EMCN: variants seen among roughly 807,000 people sequenced by gnomAD.
EMCN encodes endomucin, also known as MUC-14.
EMCN carries 37 observed loss-of-function variants against 38.4 expected under a neutral mutation model. That is an observed-to-expected ratio of 0.96 (90% CI 0.74 to 1.27). The LOEUF is 1.27. EMCN is among the 50% of genes most tolerant of loss of function. The pLI is 0.00. For missense variants in EMCN, 318 were observed against 302.8 expected (o/e 1.05, Z -0.37); for synonymous variants, 95 against 100.8 (o/e 0.94, Z 0.35).
intron 11 of EMCN, among the ~76,000 whole-genome samples, chr4:100,398,715 T>C (rs1036458760): frequency 1.3e-5 from 2 of 152,086 alleles, no homozygotes; most frequent in Non-Finnish European, 2.9e-5. Context: ...ATCCAATCAA[T>C]CACCACATCA....
chr4:100,491,138 G>A (rs1436987739), intron 1 of EMCN, among the ~76,000 whole-genome samples: 3 of 151,940 alleles, frequency 2.0e-5, no homozygotes, highest in African/African-American at 4.8e-5. Context: ...TTCCTTTGAT[G>A]TATAGGGCTT....
intron 1 of EMCN, among the ~76,000 whole-genome samples, chr4:100,491,315 C>T (rs1348379956): frequency 6.6e-6 from 1 of 152,060 alleles, no homozygotes; most frequent in East Asian, 1.9e-4. Context: ...ATTGCTTTGC[C>T]GAGGAACTAG....
chr4:100,482,956 G>A (rs543152770), intron 1 of EMCN, among the ~76,000 whole-genome samples: 1 of 152,266 alleles, frequency 6.6e-6, no homozygotes, highest in East Asian at 1.9e-4. Flanking sequence ...GAGATGTACT[G>A]TAAGGCTTTT....
intron 3 of EMCN, among the ~76,000 whole-genome samples, chr4:100,473,084 G>A (rs1022184211): frequency 2.7e-5 from 4 of 146,056 alleles, no homozygotes; most frequent in East Asian, 4.0e-4. Flanking sequence ...GCCCAATCTC[G>A]GCTCACTGCA....
intron 4 of EMCN, among the ~76,000 whole-genome samples, chr4:100,459,134 C>T (rs1445364325): frequency 6.8e-6 from 1 of 146,896 alleles, no homozygotes; most frequent in East Asian, 2.0e-4. Context: ...TTAAGTTGGA[C>T]AACTCCTCCT....
At chr4:100,494,342 C>T (rs962866510) in intron 1 of EMCN, among the ~76,000 whole-genome samples, 1 of 152,124 alleles carries the variant, frequency 6.6e-6, no homozygotes, top group African/African-American at 2.4e-5. Context: ...TGAGCCTACA[C>T]TGAACATTAC....
chr4:100,405,378 A>G (rs1296871607), intron 11 of EMCN, among the ~76,000 whole-genome samples: 2 of 151,966 alleles, frequency 1.3e-5, no homozygotes, highest in South Asian at 2.1e-4. Context: ...TATTATTTTG[A>G]GGTATATTTC....
chr4:100,418,104 G>T (rs1016076333), intron 8 of EMCN, among the ~76,000 whole-genome samples: 14 of 152,056 alleles, frequency 9.2e-5, no homozygotes, highest in African/African-American at 3.4e-4. Flanking sequence ...TTAATACGTA[G>T]GATTTAACCC....
chr4:100,481,743 G>T (rs1213454627), intron 1 of EMCN, among the ~76,000 whole-genome samples: 1 of 152,026 alleles, frequency 6.6e-6, no homozygotes, highest in Admixed American at 6.6e-5. Flanking sequence ...ACTTAGACAG[G>T]AAAATTCACC....
At position 100,405,436 on chromosome 4, in the gene EMCN, T is replaced by A. The variant is rs545585496; in HGVS notation, c.*39+4846A>T. ...GATTTTAACATGAAAAGATGTTAAA[T>A]TCTTTCACAAGCCTTTTCTGACTGC... On this transcript the variant is annotated intron_variant, in intron 11 of 11. Coordinates refer to ENST00000296420, the MANE Select transcript of EMCN (RefSeq NM_016242.4). Among the ~76,000 whole-genome samples the A allele has an allele frequency of 4.9e-4, 74 of 152,270 alleles. 1 individual carries two copies. Among genetic ancestry groups the A allele is most frequent in the Non-Finnish European group, 7.9e-4 (54 of 67,998 alleles).
intron 10 of EMCN, among the ~76,000 whole-genome samples, chr4:100,411,918 T>G (rs567628134): frequency 6.6e-6 from 1 of 152,240 alleles, no homozygotes; most frequent in South Asian, 2.1e-4. Context: ...GCTTTATAAA[T>G]TTGTGAATGT....
chr4:100,455,169 T>C (rs1367166961), intron 4 of EMCN, among the ~76,000 whole-genome samples: 1 of 152,126 alleles, frequency 6.6e-6, no homozygotes, highest in Admixed American at 6.6e-5. Context: ...ATTTTATTTA[T>C]CTCCAGTATT....
intron 4 of EMCN, among the ~76,000 whole-genome samples, chr4:100,452,891 G>C (rs1727887451): frequency 1.3e-5 from 2 of 151,946 alleles, no homozygotes; most frequent in Admixed American, 1.3e-4. Context: ...ACAACTATCT[G>C]ATCTTTGACA....
intron 1 of EMCN, among the ~76,000 whole-genome samples, chr4:100,493,099 G>T (rs1400681854): frequency 6.6e-6 from 1 of 152,074 alleles, no homozygotes; most frequent in East Asian, 1.9e-4. Flanking sequence ...CTACCATTAG[G>T]TTATGTTCCT....
chr4:100,426,999 T>A (rs1727063554), intron 5 of EMCN, among the ~76,000 whole-genome samples: 1 of 149,430 alleles, frequency 6.7e-6, no homozygotes, highest in Non-Finnish European at 1.5e-5. Context: ...CCCTCCCCAA[T>A]TTTTTTTTTA....
rs1726139743 is a variant in EMCN, at chr4:100,397,075, A to G, written c.*1338T>C. 6.6e-6 allele frequency: 1 copy of G among 151,984 alleles called. No homozygotes were observed. The highest frequency in any genetic ancestry group is 6.6e-5 in the Admixed American group (1 of 15,246). 9.4% of individuals were successfully genotyped at this position (151,984 alleles called of 1,614,324 possible). ...AAACTAAAATCAAGGTGATTATATA[A>G]CTCCTAAAGATGGAAGTTGTCAAAA... On this transcript the variant is annotated 3_prime_UTR_variant, in exon 12 of 12. Coordinates refer to ENST00000296420, the MANE Select transcript of EMCN (RefSeq NM_016242.4).
chr4:100,422,828 T>TTTCTTTTCTTTTC (rs1302474071), intron 7 of EMCN, among the ~76,000 whole-genome samples, 193 bp downstream of exon 7: 1 of 150,368 alleles, frequency 6.7e-6, no homozygotes, highest in Non-Finnish European at 1.5e-5. Context: ...TTTTCTTTTT[T>TTTCTTTTCTTTTC]TTTTTTTTTG....
chr4:100,422,789 C>A (rs1005765866), intron 7 of EMCN, among the ~76,000 whole-genome samples: 1 of 149,456 alleles, frequency 6.7e-6, no homozygotes, highest in African/African-American at 2.5e-5. Flanking sequence ...GCTTTTTTTC[C>A]TCTTCTGTTT....
intron 1 of EMCN, among the ~76,000 whole-genome samples, chr4:100,496,401 G>C (rs1729208149): frequency 6.6e-6 from 1 of 152,136 alleles, no homozygotes; most frequent in African/African-American, 2.4e-5. Context: ...TGTAGCAGCT[G>C]CCTGTGGTTT....
Sources: gnomAD v4.1 joint callset for allele counts (sites outside exome capture counted in the v4.1 genomes callset) on GRCh38, gnomAD v4.1.1 for gene constraint, MANE v1.5 for transcripts, NCBI Gene and HGNC (gene_info 2026-07-23, HGNC 2026-07-21) for gene names.